MCM5: variants seen among roughly 807,000 people sequenced by gnomAD.
MCM5 encodes the protein minichromosome maintenance complex component 5.
Under a neutral mutation model 79.9 loss-of-function variants are expected in MCM5, and 46 were observed. The observed-to-expected ratio is 0.58, with a 90% CI of 0.45 to 0.74. MCM5 has a LOEUF of 0.74. Among genes scored for constraint, MCM5 ranks in the 30% least tolerant of loss-of-function variants. MCM5 has a pLI of 0.00. For missense variants in MCM5, 883 were observed against 1,017.0 expected, an observed-to-expected ratio of 0.87 and a Z score of 1.79; for synonymous variants, 404 against 390.5, an observed-to-expected ratio of 1.03 and a Z score of -0.41.
chr22:35,444,328 G>A, the MCM5 span, among the ~76,000 whole-genome samples: 1 of 152,146 alleles, frequency 6.6e-6, no homozygotes, highest in Non-Finnish European at 1.5e-5. Context: ...CAAGGGGGAA[G>A]CAGAGAGAGA....
chr22:35,445,804 C>T, the MCM5 span, among the ~76,000 whole-genome samples: 1 of 152,172 alleles, frequency 6.6e-6, no homozygotes, highest in Admixed American at 6.5e-5. Flanking sequence ...AGCCACCACA[C>T]TCGGCCCTGC....
At chr22:35,453,594 TA>T in the MCM5 span, among the ~76,000 whole-genome samples, 1 of 137,168 alleles carries the variant, frequency 7.3e-6, no homozygotes, top group African/African-American at 2.8e-5. Context: ...CAGACAGAGA[TA>T]GAGACATAAA....
chr22:35,410,309 C>T (rs749451360), intron 6 of MCM5: 18 of 187,520 alleles, frequency 9.6e-5, no homozygotes, highest in Non-Finnish European at 8.1e-5. Flanking sequence ...GCAAAAAGGG[C>T]GAGTGGCCCC....
At chr22:35,423,182 TC>T (rs1932736920) in intron 15 of MCM5, 31 bp from the exon 16 acceptor site, 1 of 1,529,440 alleles carries the variant, frequency 6.5e-7, no homozygotes, top group African/African-American at 1.4e-5. Context: ...TTGTCCCAGC[TC>T]CCCGGCTGCC....
At chr22:35,451,039 CTT>C in the MCM5 span, among the ~76,000 whole-genome samples, 1 of 152,194 alleles carries the variant, frequency 6.6e-6, no homozygotes, top group Non-Finnish European at 1.5e-5. Flanking sequence ...TCCTGCTGTC[CTT>C]TCTTTCCCGG....
intron 12 of MCM5, 59 bp downstream of exon 12, chr22:35,416,873 G>C: frequency 1.3e-6 from 2 of 1,577,208 alleles, no homozygotes; most frequent in Non-Finnish European, 1.7e-6. Flanking sequence ...GCTTGTGATT[G>C]TGTGGGAAGG....
chr22:35,401,334 ATTCAC>A, intron 2 of MCM5: 1 of 463,266 alleles, frequency 2.2e-6, no homozygotes. Context: ...GGCAGTTAGG[ATTCAC>A]TTCACTTCGC....
intron 15 of MCM5, 98 bp from the exon 16 acceptor site, chr22:35,423,116 C>A: frequency 7.4e-7 from 1 of 1,352,250 alleles, no homozygotes; most frequent in East Asian, 2.5e-5. Context: ...CTCTTCGGGG[C>A]CTGGCTCAGG....
Position 35,416,081 on chromosome 22 carries a change from A to G in MCM5, c.1347+109A>G, listed in dbSNP as rs4645795. On this transcript the variant is annotated intron_variant, in intron 10 of 16. Coordinates refer to ENST00000216122, the MANE Select transcript of MCM5 (RefSeq NM_006739.4). ...CTCTGACTTGGGAGACATGTTTTCA[A>G]TCCCTGGGCCGGTCACTCTAGTAAC... 2.7e-3 allele frequency: 3,703 copies of G among 1,384,092 alleles called. 110 individuals carry two copies. The African/African-American group carries it at 0.046, about 17-fold the overall frequency. The allele number at this position is 1,384,092 out of a possible 1,614,324, so 85.7% of individuals were successfully genotyped here. A position where few individuals can be genotyped will look rare whatever the true frequency, so the allele number is the denominator to read the frequency against.
chr22:35,410,913 G>T lies in MCM5; in HGVS notation c.919+3G>T. On this transcript the variant is annotated splice_donor_region_variant and intron_variant, in intron 7 of 16. Coordinates refer to ENST00000216122, the MANE Select transcript of MCM5 (RefSeq NM_006739.4). ...CCAGGTGGACACAGATGGCTCTGGT[G>T]AGTTGGCTTTGGGGTCCTGGCTTAG... The T allele has an allele frequency of 6.3e-7, 1 of 1,590,878 alleles. No homozygotes were observed. The highest frequency in any genetic ancestry group is 1.1e-5 in the South Asian group (1 of 88,650).
At chr22:35,416,939 T>TG in intron 12 of MCM5, 125 bp downstream of exon 12, 1 of 1,119,636 alleles carries the variant, frequency 8.9e-7, no homozygotes, top group East Asian at 2.4e-5. Context: ...GCTGTGAAAT[T>TG]GGGGAGCACG....
At chr22:35,403,640 T>C in intron 4 of MCM5, 98 bp downstream of exon 4, 1 of 1,435,468 alleles carries the variant, frequency 7.0e-7, no homozygotes, top group Non-Finnish European at 9.4e-7. Flanking sequence ...GCACTTGACC[T>C]TTCTGAACCT....
intron 13 of MCM5, among the ~76,000 whole-genome samples, chr22:35,419,298 A>G (rs577577271): frequency 2.0e-5 from 3 of 152,216 alleles, no homozygotes; most frequent in African/African-American, 7.2e-5. Context: ...TCCCTACATC[A>G]GTGACTGTCA....
chr22:35,406,421 C>G, intron 4 of MCM5, 132 bp from the exon 5 acceptor site: 1 of 771,600 alleles, frequency 1.3e-6, no homozygotes. Context: ...TTGAGCGGAA[C>G]AGAAGAGCTG....
At chr22:35,400,284 A>T in intron 1 of MCM5, 76 bp downstream of exon 1, 1 of 788,374 alleles carries the variant, frequency 1.3e-6, no homozygotes, top group South Asian at 1.5e-5. Flanking sequence ...GGAGTGGGAC[A>T]GGAGTTTCTC....
downstream of MCM5, among the ~76,000 whole-genome samples, chr22:35,430,042 C>A (rs1020240402): frequency 1.3e-5 from 2 of 152,178 alleles, no homozygotes; most frequent in African/African-American, 2.4e-5. Flanking sequence ...CTAGGCACAC[C>A]CGTTGGTCAC....
chr22:35,438,400 C>T, the MCM5 span, among the ~76,000 whole-genome samples: 2 of 151,408 alleles, frequency 1.3e-5, no homozygotes, highest in South Asian at 4.2e-4. Flanking sequence ...TCCATCCACC[C>T]ACCCACATAT....
rs751662234 is a variant in MCM5, at chr22:35,410,946, A to G, written c.919+36A>G. ...TTTGGGGTCCTGGCTTAGCCCTGCTAAAAGGCTGTGCTTGCATACTTCTGG... is the reference window on the plus strand; with the variant it reads ...TTTGGGGTCCTGGCTTAGCCCTGCTGAAAGGCTGTGCTTGCATACTTCTGG... On this transcript the variant is annotated intron_variant, in intron 7 of 16. Coordinates refer to ENST00000216122, the MANE Select transcript of MCM5 (RefSeq NM_006739.4). 29 of 1,545,234 alleles carry G rather than the reference A, an allele frequency of 1.9e-5. No individual in the cohort carries two copies. In the Admixed American group the frequency reaches 5.0e-4, roughly 27 times the overall value.
chr22:35,424,020 G>A (rs535441379), intron 16 of MCM5, 134 bp from the exon 17 acceptor site: 2 of 601,934 alleles, frequency 3.3e-6, no homozygotes, highest in African/African-American at 1.9e-5. Context: ...GTACACAGTG[G>A]GCACTCAGGA....
Sources: gnomAD v4.1 joint callset for allele counts (sites outside exome capture counted in the v4.1 genomes callset) on GRCh38, gnomAD v4.1.1 for gene constraint, MANE v1.5 for transcripts, NCBI Gene and HGNC (gene_info 2026-07-23, HGNC 2026-07-21) for gene names.